Variants in BAZ1A observed in about 807,000 individuals in gnomAD.
The protein encoded by BAZ1A is bromodomain adjacent to zinc finger domain 1A.
Under a neutral mutation model 185.2 loss-of-function variants are expected in BAZ1A, and 50 were observed. The ratio of observed to expected loss-of-function variants is 0.27; its 90% confidence interval spans 0.22 to 0.34. BAZ1A has a LOEUF of 0.34. BAZ1A is among the 10% of genes least tolerant of loss of function. The pLI, the probability that BAZ1A is intolerant of heterozygous loss-of-function variation, is 1.00. For synonymous variants in BAZ1A, 571 were observed against 615.6 expected (o/e 0.93, Z 1.07); for missense variants, 1,356 against 1,839.9 (o/e 0.74, Z 4.81).
chr14:34,779,973 G>A (rs12435778), intron 17 of BAZ1A: 123,804 of 536,512 alleles, frequency 0.23, 15,687 homozygotes, highest in Non-Finnish European at 0.26. Flanking sequence ...TAGATGGTGT[G>A]TAAATAATGA....
chr14:34,853,520 C>T (rs2042628656), intron 3 of BAZ1A, among the ~76,000 whole-genome samples: 1 of 152,186 alleles, frequency 6.6e-6, no homozygotes, highest in Non-Finnish European at 1.5e-5. Context: ...CGCAGTGATT[C>T]ACGCCTGTAA....
At chr14:34,853,070 T>C (rs1241731565) in intron 3 of BAZ1A, among the ~76,000 whole-genome samples, 1 of 152,214 alleles carries the variant, frequency 6.6e-6, no homozygotes, top group Non-Finnish European at 1.5e-5. Flanking sequence ...ATCACTTCTT[T>C]TGATCTGTTT....
chr14:34,849,014 C>T lies in BAZ1A; in HGVS notation c.392+13030G>A, dbSNP rs546800248. On this transcript the variant is annotated intron_variant, in intron 3 of 26. Transcript: ENST00000360310. Reference sequence around the variant, plus strand: ...TGTAAAACCGATCAGAAACAGCACACGTGGCTAGGTGTGGTGGCTCACACT... The same window carrying T: ...TGTAAAACCGATCAGAAACAGCACATGTGGCTAGGTGTGGTGGCTCACACT... Among the ~76,000 whole-genome samples, 5 of 152,228 alleles carry T rather than the reference C, an allele frequency of 3.3e-5. No individual in the cohort carries two copies. The South Asian group carries it at 6.2e-4, about 19-fold the overall frequency.
At position 34,783,884 on chromosome 14, in the gene BAZ1A, C is replaced by T. The variant is rs1379018952; in HGVS notation, c.1875G>A (p.Leu625=). The T allele has an allele frequency of 6.2e-7, 1 of 1,611,936 alleles. No homozygotes were observed. The highest frequency in any genetic ancestry group is 8.5e-7 in the Non-Finnish European group (1 of 1,179,406). ...KILHALCGKL[L]TLVSTRDFIE... is the part of the protein sequence containing the mutation. ...TAAAATCCCTAGTTGAAACTAGGGTCAGTAGCTTTCCACAGAGAGCATGGA... is the reference window on the plus strand; with the variant it reads ...TAAAATCCCTAGTTGAAACTAGGGTTAGTAGCTTTCCACAGAGAGCATGGA... Residue 625 remains leucine, a synonymous_variant, in exon 15 of 27, where the codon CTG becomes CTA. Coordinates refer to ENST00000360310, the MANE Select transcript of BAZ1A (RefSeq NM_013448.3).
At chr14:34,829,387 T>TA (rs2042208105) in intron 3 of BAZ1A, among the ~76,000 whole-genome samples, 1 of 150,668 alleles carries the variant, frequency 6.6e-6, no homozygotes, top group Admixed American at 6.6e-5. Context: ...TGAGACTATC[T>TA]AAAAAAATAA....
At chr14:34,845,523 C>T (rs1227996583) in intron 3 of BAZ1A, among the ~76,000 whole-genome samples, 1 of 152,128 alleles carries the variant, frequency 6.6e-6, no homozygotes, top group Non-Finnish European at 1.5e-5. Context: ...ACCTTGTCCT[C>T]AAAATTATTT....
chr14:34,754,609 T>G (rs1886162796), intron 26 of BAZ1A, among the ~76,000 whole-genome samples: 1 of 152,146 alleles, frequency 6.6e-6, no homozygotes, highest in Non-Finnish European at 1.5e-5. Context: ...CTATAAAGTA[T>G]CTTTAACTTA....
At chr14:34,841,773 C>G (rs994510196) in intron 3 of BAZ1A, among the ~76,000 whole-genome samples, 1 of 152,180 alleles carries the variant, frequency 6.6e-6, no homozygotes, top group Non-Finnish European at 1.5e-5. Flanking sequence ...CTTGCAAACT[C>G]TATCCCTACT....
At chr14:34,786,612 T>TTTTG (rs1555339564) in intron 12 of BAZ1A, 5 of 144,878 alleles carry the variant, frequency 3.5e-5, no homozygotes, top group Non-Finnish European at 5.8e-5. Flanking sequence ...TGTGTTTTTT[T>TTTTG]TTTTTTTTTT....
At chr14:34,794,649 C>G in intron 11 of BAZ1A, 100 bp downstream of exon 11, 1 of 1,234,670 alleles carries the variant, frequency 8.1e-7, no homozygotes, top group Non-Finnish European at 1.1e-6. Flanking sequence ...GAGATCCCAA[C>G]TCCAGTGCCC....
intron 12 of BAZ1A, among the ~76,000 whole-genome samples, chr14:34,792,566 ATATCTT>A (rs1566564739): frequency 6.6e-6 from 1 of 152,162 alleles, no homozygotes; most frequent in African/African-American, 2.4e-5. Flanking sequence ...CTGAGGGAAA[ATATCTT>A]TAAGGTTGTC....
In BAZ1A at chr14:34,826,304, C is replaced by A. The variant is rs191338435; in HGVS notation, c.393-148G>T. Reference sequence around the variant, plus strand: ...TAAACAATTTAATTAAAAAGAAAATCTGTAACATCTAAGCAAATATTAGAT... The same window carrying A: ...TAAACAATTTAATTAAAAAGAAAATATGTAACATCTAAGCAAATATTAGAT... On this transcript the variant is annotated intron_variant, in intron 3 of 26. Coordinates refer to ENST00000360310, the MANE Select transcript of BAZ1A (RefSeq NM_013448.3). 91 of 704,486 alleles carry A rather than the reference C, an allele frequency of 1.3e-4. 1 individual carries two copies. In the Admixed American group the frequency reaches 2.5e-3, roughly 19 times the overall value. The allele number at this position is 704,486 out of a possible 1,614,324, so 43.6% of individuals were successfully genotyped here. A position where few individuals can be genotyped will look rare whatever the true frequency, so the allele number is the denominator to read the frequency against.
chr14:34,765,738 C>T (rs1234777199), intron 21 of BAZ1A, among the ~76,000 whole-genome samples: 3 of 152,088 alleles, frequency 2.0e-5, no homozygotes, highest in Non-Finnish European at 4.4e-5. Flanking sequence ...GTTAATACTA[C>T]CAAAATGGAT....
chr14:34,847,521 T>C (rs1313066664), intron 3 of BAZ1A, among the ~76,000 whole-genome samples: 2 of 152,096 alleles, frequency 1.3e-5, no homozygotes, highest in African/African-American at 4.8e-5. Flanking sequence ...TCCTTTCTGC[T>C]AATCTATATT....
At chr14:34,865,132 G>C (rs111829146) in intron 2 of BAZ1A, among the ~76,000 whole-genome samples, 9,626 of 151,986 alleles carry the variant, frequency 0.063, 415 homozygotes, top group Non-Finnish European at 0.098. Context: ...CCTGTAATTC[G>C]AGCTACTCCG....
At chr14:34,761,030 G>A (rs1286765231) in intron 24 of BAZ1A, among the ~76,000 whole-genome samples, 2 of 151,986 alleles carry the variant, frequency 1.3e-5, no homozygotes, top group Non-Finnish European at 2.9e-5. Context: ...TATAATCCCA[G>A]TACTTTGGGA....
chr14:34,854,382 A>G (rs974971233), intron 3 of BAZ1A, among the ~76,000 whole-genome samples: 2 of 152,138 alleles, frequency 1.3e-5, no homozygotes, highest in Non-Finnish European at 2.9e-5. Context: ...AGGTCACGCT[A>G]CTGCACTCCA....
intron 3 of BAZ1A, among the ~76,000 whole-genome samples, chr14:34,834,612 T>C (rs978222205): frequency 1.3e-5 from 2 of 152,206 alleles, no homozygotes. Flanking sequence ...ATTGACTTTG[T>C]AGCACAACCA....
At chr14:34,763,027 G>A (rs12586462) in intron 23 of BAZ1A, among the ~76,000 whole-genome samples, 30,633 of 152,082 alleles carry the variant, frequency 0.2, 3,576 homozygotes, top group Non-Finnish European at 0.26. Flanking sequence ...CCTTGAACCC[G>A]TGGTTCCTGA....
Sources: allele counts gnomAD v4.1 joint callset (sites outside exome capture counted in the v4.1 genomes callset), GRCh38; gene constraint gnomAD v4.1.1; transcripts MANE v1.5; gene names NCBI Gene and HGNC (gene_info 2026-07-23, HGNC 2026-07-21).